The following HMBOX1 variants were observed in gnomAD, a reference collection of about 807,000 sequenced individuals.
The protein encoded by HMBOX1 is homeobox-containing protein 1.
A neutral mutation model predicts 54.5 loss-of-function variants in HMBOX1; 14 were observed. The ratio of observed to expected loss-of-function variants is 0.26; its 90% CI spans 0.17 to 0.40. The LOEUF is 0.40. Among genes scored for constraint, HMBOX1 ranks in the 10% least tolerant of loss-of-function variants. The pLI, the probability that HMBOX1 is intolerant of heterozygous loss-of-function variation, is 1.00. For synonymous variants in HMBOX1, 160 were observed against 181.0 expected (o/e 0.88, Z 0.93); for missense variants, 332 against 514.4 (o/e 0.65, Z 3.43).
At chr8:28,923,245 C>A (rs751791706) in intron 1 of HMBOX1, among the ~76,000 whole-genome samples, 2 of 152,164 alleles carry the variant, frequency 1.3e-5, no homozygotes, top group East Asian at 3.8e-4. Context: ...TTTGCCTGTT[C>A]TGGACATTTC....
intron 6 of HMBOX1, among the ~76,000 whole-genome samples, chr8:29,027,546 A>G (rs1056132336): frequency 1.3e-5 from 2 of 152,306 alleles, no homozygotes; most frequent in East Asian, 3.9e-4. Context: ...AGACCTGGCT[A>G]TTGCACCTAT....
intron 4 of HMBOX1, among the ~76,000 whole-genome samples, chr8:29,006,451 G>A (rs1833469465): frequency 6.6e-6 from 1 of 152,134 alleles, no homozygotes; most frequent in South Asian, 2.1e-4. Context: ...AGGTCATAGA[G>A]TATATGTATG....
At chr8:28,994,974 T>C (rs1831576581) in intron 4 of HMBOX1, among the ~76,000 whole-genome samples, 1 of 152,108 alleles carries the variant, frequency 6.6e-6, no homozygotes, top group African/African-American at 2.4e-5. Context: ...TCCACTTCTG[T>C]CCATCAAAAC....
chr8:29,019,211 A>G (rs1800794053), intron 6 of HMBOX1, among the ~76,000 whole-genome samples: 1 of 152,214 alleles, frequency 6.6e-6, no homozygotes, highest in African/African-American at 2.4e-5. Context: ...ATATTTTGGA[A>G]AAACTCTTTG....
chr8:28,997,744 T>C (rs1832082114), intron 4 of HMBOX1, among the ~76,000 whole-genome samples: 1 of 152,128 alleles, frequency 6.6e-6, no homozygotes, highest in Non-Finnish European at 1.5e-5. Flanking sequence ...AGAGATGGTG[T>C]CTTCCTATGT....
chr8:29,038,583 A>T (rs1307843711), intron 6 of HMBOX1, among the ~76,000 whole-genome samples: 1 of 152,188 alleles, frequency 6.6e-6, no homozygotes, highest in African/African-American at 2.4e-5. Context: ...CTTCAAAATA[A>T]TCTAAAATGC....
intron 1 of HMBOX1, among the ~76,000 whole-genome samples, chr8:28,916,309 G>C (rs998330364): frequency 6.6e-6 from 1 of 152,196 alleles, no homozygotes; most frequent in Non-Finnish European, 1.5e-5. Flanking sequence ...ACTGTAACCA[G>C]GAGGATGAAA....
At chr8:29,033,453 A>G (rs1239240446) in intron 6 of HMBOX1, among the ~76,000 whole-genome samples, 2 of 152,194 alleles carry the variant, frequency 1.3e-5, no homozygotes, top group African/African-American at 4.8e-5. Context: ...GGAAAAAACA[A>G]CAAAATTTTC....
intron 5 of HMBOX1, among the ~76,000 whole-genome samples, chr8:29,013,146 G>C (rs1362130338): frequency 6.6e-6 from 1 of 152,108 alleles, no homozygotes; most frequent in Non-Finnish European, 1.5e-5. Context: ...TCCTTTTGTT[G>C]TTGTTGTTGA....
chr8:28,974,737 G>A (rs1389994117), intron 3 of HMBOX1, among the ~76,000 whole-genome samples: 1 of 152,094 alleles, frequency 6.6e-6, no homozygotes, highest in Non-Finnish European at 1.5e-5. Context: ...GTCTCCATAG[G>A]TGAAAATGTA....
intron 4 of HMBOX1, among the ~76,000 whole-genome samples, chr8:28,989,418 A>AT (rs555627307): frequency 1.9e-4 from 29 of 151,562 alleles, no homozygotes; most frequent in Admixed American, 1.4e-3. Context: ...GGGTTGAGGC[A>AT]TTTTTTTTTC....
intron 3 of HMBOX1, 82 bp from the exon 4 acceptor site, chr8:28,979,989 C>G: frequency 9.7e-7 from 1 of 1,034,078 alleles, no homozygotes; most frequent in Non-Finnish European, 1.5e-6. Flanking sequence ...CTCCCCACCT[C>G]TCTGCTTCAC....
At chr8:28,948,011 C>G (rs567792168) in intron 1 of HMBOX1, among the ~76,000 whole-genome samples, 2 of 152,188 alleles carry the variant, frequency 1.3e-5, no homozygotes, top group Non-Finnish European at 2.9e-5. Flanking sequence ...CAGCCTCTAT[C>G]TCCTGGGCTC....
intron 4 of HMBOX1, among the ~76,000 whole-genome samples, chr8:28,999,971 A>G (rs936413233): frequency 3.9e-5 from 6 of 152,158 alleles, no homozygotes; most frequent in Non-Finnish European, 8.8e-5. Flanking sequence ...GTTTTGTTTT[A>G]AAACCTGGAA....
In HMBOX1 at chr8:28,895,808, A is replaced by G. The variant is rs142414467; in HGVS notation, c.-58+5130A>G. Among the ~76,000 whole-genome samples the G allele has an allele frequency of 2.9e-3, 445 of 152,230 alleles. 3 individuals are homozygous for G. Among genetic ancestry groups the G allele is most frequent in the African/African-American group, 0.01 (432 of 41,530 alleles). On this transcript the variant is annotated intron_variant, in intron 1 of 9. Coordinates refer to ENST00000287701, the MANE Select transcript of HMBOX1 (RefSeq NM_001135726.3). ...AATCGTGAAGTCAAGTTGGTTTCGTATTTTGTATACATTTCTTTCTATTAA... is the reference window on the plus strand; with the variant it reads ...AATCGTGAAGTCAAGTTGGTTTCGTGTTTTGTATACATTTCTTTCTATTAA...
Position 28,963,819 on chromosome 8 carries a change from A to G in HMBOX1, c.-49A>G, listed in dbSNP as rs773065937. The G allele has an allele frequency of 6.7e-6, 10 of 1,491,662 alleles. No individual in the cohort carries two copies. Among genetic ancestry groups the G allele is most frequent in the Non-Finnish European group, 8.3e-6 (9 of 1,083,728 alleles). 92.4% of individuals were successfully genotyped at this position (1,491,662 alleles called of 1,614,324 possible). On this transcript the variant is annotated 5_prime_UTR_variant, in exon 2 of 10. Transcript: ENST00000287701. ...CTATCTTTGTTCTACAGAATGGTAG[A>G]TAACGCAGATCATCTCTGGAAAGGA...
intron 9 of HMBOX1, chr8:29,049,567 C>A: frequency 1.2e-6 from 1 of 842,800 alleles, no homozygotes; most frequent in South Asian, 2.4e-5. Context: ...GAGTCTCTGG[C>A]ACACTGACAC....
chr8:28,960,765 CTTTTT>C (rs1162477676), intron 1 of HMBOX1, among the ~76,000 whole-genome samples: 2 of 16,260 alleles, frequency 1.2e-4, no homozygotes, highest in African/African-American at 1.7e-4. Flanking sequence ...TTTTCTTTTT[CTTTTT>C]TTTTTTTTTT....
intron 4 of HMBOX1, among the ~76,000 whole-genome samples, chr8:28,986,278 A>G (rs1830150952): frequency 6.6e-6 from 1 of 151,938 alleles, no homozygotes; most frequent in Non-Finnish European, 1.5e-5. Context: ...ATTATATTCC[A>G]TTGTCTGGAT....
Sources: allele counts gnomAD v4.1 joint callset (sites outside exome capture counted in the v4.1 genomes callset), GRCh38; gene constraint gnomAD v4.1.1; transcripts MANE v1.5; gene names NCBI Gene and HGNC (gene_info 2026-07-23, HGNC 2026-07-21).